The following WARS2 variants were observed in gnomAD, a reference collection of about 807,000 sequenced individuals.
WARS2 encodes the protein tryptophan--tRNA ligase, mitochondrial.
A neutral mutation model predicts 36.5 loss-of-function variants in WARS2; 28 were observed. That is an observed-to-expected ratio of 0.77 (90% confidence interval 0.57 to 1.05). The LOEUF (loss-of-function observed/expected upper bound fraction) is 1.05, where lower values mean the gene tolerates loss of function less well. WARS2 is among the 50% of genes least tolerant of loss of function. The probability of loss-of-function intolerance (pLI) is 0.00; values close to 1 mark genes in which losing one functional copy is unlikely to be tolerated. For missense variants in WARS2, 435 were observed against 456.8 expected, an observed-to-expected ratio of 0.95 and a Z score of 0.44; for synonymous variants, 174 against 178.4, an observed-to-expected ratio of 0.98 and a Z score of 0.20.
intron 1 of WARS2, among the ~76,000 whole-genome samples, chr1:119,122,266 CA>C (rs1183247112): frequency 1.3e-5 from 2 of 152,120 alleles, no homozygotes; most frequent in Non-Finnish European, 2.9e-5. Context: ...AGAAGATATA[CA>C]AACGGCCAAC....
At chr1:119,119,604 T>C (rs1655206248) in intron 1 of WARS2, among the ~76,000 whole-genome samples, 1 of 152,042 alleles carries the variant, frequency 6.6e-6, no homozygotes, top group Admixed American at 6.6e-5. Flanking sequence ...AACTGCAGAA[T>C]ATACATTTTT....
chr1:119,058,019 G>T (rs1181280565), intron 2 of WARS2, among the ~76,000 whole-genome samples: 1 of 152,094 alleles, frequency 6.6e-6, no homozygotes, highest in Non-Finnish European at 1.5e-5. Context: ...GTACTATTAA[G>T]AAATCTTGGC....
chr1:119,083,594 T>TAGA (rs1652377610), intron 1 of WARS2, among the ~76,000 whole-genome samples: 1 of 152,152 alleles, frequency 6.6e-6, no homozygotes, highest in African/African-American at 2.4e-5. Flanking sequence ...CTTCAGGTCT[T>TAGA]TTTTTCTGTC....
intron 2 of WARS2, among the ~76,000 whole-genome samples, chr1:119,074,456 T>C (rs1399296809): frequency 6.6e-6 from 1 of 152,236 alleles, no homozygotes; most frequent in African/African-American, 2.4e-5. Flanking sequence ...TGGAGGTAGA[T>C]ATTTGGTCAG....
At chr1:119,088,472 A>C (rs1364007461) in intron 1 of WARS2, among the ~76,000 whole-genome samples, 1 of 152,046 alleles carries the variant, frequency 6.6e-6, no homozygotes, top group Non-Finnish European at 1.5e-5. Context: ...ACACACAAAT[A>C]AAAGGACTAA....
At chr1:119,132,429 T>C (rs1352701788) in intron 1 of WARS2, among the ~76,000 whole-genome samples, 2 of 152,090 alleles carry the variant, frequency 1.3e-5, no homozygotes, top group Non-Finnish European at 2.9e-5. Flanking sequence ...GTCTGGTCCT[T>C]TACATCTCCC....
In WARS2 at chr1:119,032,360, T is replaced by C. The variant is rs1463121512; in HGVS notation, c.*551A>G. 6.6e-6 allele frequency: 1 copy of C among 152,554 alleles called. No individual in the cohort carries two copies. The highest frequency in any genetic ancestry group is 1.9e-4 in the East Asian group (1 of 5,204). The allele number at this position is 152,554 out of a possible 1,614,324, so 9.5% of individuals were successfully genotyped here. ...TATTGCTGGAACAGTTGGTGTTATCTCTTGGAAAACAAGTTAAGCAGCTTA... is the reference window on the plus strand; with the variant it reads ...TATTGCTGGAACAGTTGGTGTTATCCCTTGGAAAACAAGTTAAGCAGCTTA... On this transcript the variant is annotated 3_prime_UTR_variant, in exon 6 of 6. Coordinates refer to ENST00000235521, the MANE Select transcript of WARS2 (RefSeq NM_015836.4).
At chr1:119,085,740 T>C (rs2101376857) in intron 1 of WARS2, 1 of 1,579,806 alleles carries the variant, frequency 6.3e-7, no homozygotes, top group Non-Finnish European at 8.7e-7. Context: ...TTTCCCAGTC[T>C]TCTTGTCCCA....
At chr1:119,126,744 A>G (rs898595346) in intron 1 of WARS2, 1 of 735,798 alleles carries the variant, frequency 1.4e-6, no homozygotes, top group Non-Finnish European at 2.5e-6. Flanking sequence ...AGCCTTTTCT[A>G]TGTCTTTTCC....
At chr1:119,085,864 C>T (rs762867465) in intron 1 of WARS2, 20 of 1,610,318 alleles carry the variant, frequency 1.2e-5, no homozygotes, top group Middle Eastern at 2.2e-4. Context: ...TCCTTGTACT[C>T]GGAGTGCCAG....
intron 1 of WARS2, among the ~76,000 whole-genome samples, chr1:119,096,490 T>G (rs982786912): frequency 1.3e-5 from 2 of 152,196 alleles, no homozygotes; most frequent in African/African-American, 2.4e-5. Context: ...TAGATGGGTA[T>G]ATTCTACTTT....
At chr1:119,084,102 C>G (rs1356194410) in intron 1 of WARS2, among the ~76,000 whole-genome samples, 5 of 151,440 alleles carry the variant, frequency 3.3e-5, no homozygotes. Context: ...CTCACTGCAG[C>G]CTCAAACTCC....
chr1:119,122,895 A>G (rs1655416727), intron 1 of WARS2, among the ~76,000 whole-genome samples: 1 of 152,100 alleles, frequency 6.6e-6, no homozygotes, highest in Non-Finnish European at 1.5e-5. Context: ...AATGGGTGTG[A>G]GGCGGGTGAT....
chr1:119,054,115 A>G, intron 2 of WARS2, among the ~76,000 whole-genome samples: 1 of 150,234 alleles, frequency 6.7e-6, no homozygotes, highest in Non-Finnish European at 1.5e-5. Context: ...TTAATTATAA[A>G]TTATTGTTAA....
Position 119,055,935 on chromosome 1 carries a change from A to G in WARS2, c.349-10273T>C, listed in dbSNP as rs543210570. Among the ~76,000 whole-genome samples, 185 of 152,232 alleles carry G rather than the reference A, an allele frequency of 1.2e-3. 1 individual carries two copies. The highest frequency in any genetic ancestry group is 4.2e-3 in the African/African-American group (174 of 41,554). ...AATCAAATTATTAGTTTACGGAATA[A>G]AACTCTGAGCAGGCTGTTTCTTGGT... On this transcript the variant is annotated intron_variant, in intron 2 of 5. Coordinates refer to ENST00000235521, the MANE Select transcript of WARS2 (RefSeq NM_015836.4).
At chr1:119,107,094 C>T (rs974630815) in intron 1 of WARS2, among the ~76,000 whole-genome samples, 1 of 152,066 alleles carries the variant, frequency 6.6e-6, no homozygotes, top group Non-Finnish European at 1.5e-5. Flanking sequence ...TACTTGCCAT[C>T]TGTATATCTT....
intron 1 of WARS2, among the ~76,000 whole-genome samples, chr1:119,124,635 T>G (rs901440546): frequency 6.6e-6 from 1 of 152,234 alleles, no homozygotes; most frequent in Non-Finnish European, 1.5e-5. Flanking sequence ...GCTTGAATCC[T>G]GTAGCCTCTT....
At chr1:119,134,319 CAAAA>C (rs761321480) in intron 1 of WARS2, among the ~76,000 whole-genome samples, 10 of 65,872 alleles carry the variant, frequency 1.5e-4, no homozygotes, top group Non-Finnish European at 2.1e-4. Flanking sequence ...GGCAAAGGGG[CAAAA>C]AAAAAAAAAA....
chr1:119,033,090 A>G lies in WARS2; in HGVS notation c.904T>C (p.Tyr302His). The G allele has an allele frequency of 6.2e-7, 1 of 1,614,242 alleles. No homozygotes were observed. Among genetic ancestry groups the G allele is most frequent in the Non-Finnish European group, 8.5e-7 (1 of 1,180,044 alleles). ...RRSAGMNTAR[Y>H]KLAVADAVIE... ...ACAGCATCTGCCACGGCCAGCTTGT[A>G]GCGAGCAGTGTTCATGCCCGCGCTG... Residue 302 changes from tyrosine (Y) to histidine (H), a missense_variant, in exon 6 of 6, where the codon TAC (tyrosine) becomes CAC (histidine). By Grantham distance (83) the Tyr-to-His change is moderately conservative. Coordinates refer to ENST00000235521, the MANE Select transcript of WARS2 (RefSeq NM_015836.4).
Sources: allele counts gnomAD v4.1 joint callset (sites outside exome capture counted in the v4.1 genomes callset), GRCh38; gene constraint gnomAD v4.1.1; transcripts MANE v1.5; gene names NCBI Gene and HGNC (gene_info 2026-07-23, HGNC 2026-07-21).